KCNN2: variants seen among roughly 807,000 people sequenced by gnomAD.
The protein encoded by KCNN2 is small conductance calcium-activated potassium channel protein 2.
A neutral mutation model predicts 55.5 loss-of-function variants in KCNN2; 24 were observed. The ratio of observed to expected loss-of-function variants is 0.43; its 90% CI spans 0.31 to 0.61. KCNN2 has a LOEUF of 0.61. Ranked by LOEUF, KCNN2 falls within the 20% of genes least tolerant of loss-of-function variation. The pLI is 0.08. For synonymous variants in KCNN2, 431 were observed against 336.1 expected (o/e 1.28, Z -3.09); for missense variants, 754 against 853.6 (o/e 0.88, Z 1.45).
At chr5:114,090,203 A>C (rs536806943) in intron 1 of KCNN2, among the ~76,000 whole-genome samples, 2 of 152,196 alleles carry the variant, frequency 1.3e-5, no homozygotes, top group African/African-American at 4.8e-5. Context: ...GTTCTGTACA[A>C]GTCAGTAAGT....
intron 1 of KCNN2, among the ~76,000 whole-genome samples, chr5:114,206,943 G>A (rs1753789104): frequency 6.6e-6 from 1 of 152,102 alleles, no homozygotes; most frequent in African/African-American, 2.4e-5. Context: ...TCTTTCTCAT[G>A]TTGAGCCTTT....
At chr5:114,163,490 A>C (rs1404668257) in intron 1 of KCNN2, among the ~76,000 whole-genome samples, 1 of 152,182 alleles carries the variant, frequency 6.6e-6, no homozygotes, top group Non-Finnish European at 1.5e-5. Context: ...GAGAATTTTT[A>C]ATGTGAATGG....
At chr5:114,384,514 T>A (rs1311034169) in intron 2 of KCNN2, among the ~76,000 whole-genome samples, 2 of 152,216 alleles carry the variant, frequency 1.3e-5, no homozygotes, top group Non-Finnish European at 2.9e-5. Flanking sequence ...GTAAGTGTGC[T>A]TCACTCTGGG....
At chr5:114,308,686 T>C (rs1756338522) in intron 2 of KCNN2, among the ~76,000 whole-genome samples, 1 of 151,998 alleles carries the variant, frequency 6.6e-6, no homozygotes, top group Admixed American at 6.6e-5. Flanking sequence ...ATAGTGAGAG[T>C]TGGAGCTGAA....
At chr5:114,227,999 ATGATGATGATGATGATG>A (rs1281118628) in intron 2 of KCNN2, among the ~76,000 whole-genome samples, 14 of 5,438 alleles carry the variant, frequency 2.6e-3, no homozygotes, top group Non-Finnish European at 5.8e-3. Flanking sequence ...GATGACGATG[ATGATGATGATGATGATG>A]ATGATGATGA....
At chr5:114,429,031 C>T (rs1273006797) in intron 3 of KCNN2, among the ~76,000 whole-genome samples, 1 of 152,048 alleles carries the variant, frequency 6.6e-6, no homozygotes, top group Non-Finnish European at 1.5e-5. Context: ...ATAGACATTT[C>T]ATGTGTAGGT....
Position 114,074,293 on chromosome 5 carries a change from CGTGTGTGTGTGTGT to C in KCNN2, c.-271+17817_-271+17830del, listed in dbSNP as rs371882287. Among the ~76,000 whole-genome samples the C allele has an allele frequency of 1.7e-4, 25 of 144,510 alleles. 1 individual carries two copies. Among genetic ancestry groups the C allele is most frequent in the South Asian group, 4.5e-4 (2 of 4,464 alleles). 94.8% of individuals were successfully genotyped at this position (144,510 alleles called of 152,430 possible). On this transcript the variant is annotated intron_variant, in intron 1 of 10. Coordinates refer to the KCNN2 transcript ENST00000512097. Reference sequence around the variant, plus strand: ...TTATGAATTTTAAAGGCCATGTTTGCGTGTGTGTGTGTGTGTGTGTGTGTGTGTGTGTGTGTGCG... The same window carrying C: ...TTATGAATTTTAAAGGCCATGTTTGCGTGTGTGTGTGTGTGTGTGTGTGCG...
chr5:114,217,510 G>A (rs1008442920), intron 1 of KCNN2, among the ~76,000 whole-genome samples: 1 of 152,080 alleles, frequency 6.6e-6, no homozygotes, highest in South Asian at 2.1e-4. Flanking sequence ...AGTGAAGATA[G>A]CCTTTCAACA....
At chr5:114,128,751 C>T (rs1300338576) in intron 1 of KCNN2, among the ~76,000 whole-genome samples, 1 of 152,050 alleles carries the variant, frequency 6.6e-6, no homozygotes, top group African/African-American at 2.4e-5. Flanking sequence ...GGGTTAATTT[C>T]TAACTGATAC....
intron 2 of KCNN2, among the ~76,000 whole-genome samples, chr5:114,346,970 G>A (rs181188008): frequency 1.3e-5 from 2 of 151,998 alleles, no homozygotes; most frequent in Non-Finnish European, 2.9e-5. Context: ...AATCATTTGA[G>A]AACAAAATAA....
chr5:114,343,900 G>C (rs947430591), intron 2 of KCNN2, among the ~76,000 whole-genome samples: 23 of 152,154 alleles, frequency 1.5e-4, no homozygotes, highest in African/African-American at 5.5e-4. Context: ...TCCTATTTAT[G>C]TGGTCCTAGG....
chr5:114,392,649 C>G (rs983455243), intron 2 of KCNN2, among the ~76,000 whole-genome samples: 2 of 152,076 alleles, frequency 1.3e-5, no homozygotes, highest in African/African-American at 2.4e-5. Context: ...GAGATCTCAA[C>G]GAGACCATTG....
Position 114,107,538 on chromosome 5 carries a change from C to T in KCNN2, c.-271+51038C>T, listed in dbSNP as rs115754968. ...TAGCTGGGACTACAGCCATGCACAA[C>T]CATGCCTGGCTAATTTTTTTTTTTT... On this transcript the variant is annotated intron_variant, in intron 1 of 10. Transcript: ENST00000512097. Among the ~76,000 whole-genome samples, 1,179 of 151,598 alleles carry T rather than the reference C, an allele frequency of 7.8e-3. 7 individuals carry two copies. Among genetic ancestry groups the T allele is most frequent in the Non-Finnish European group, 0.012 (784 of 67,842 alleles).
intron 1 of KCNN2, among the ~76,000 whole-genome samples, chr5:114,196,694 C>T (rs115593190): frequency 3.3e-5 from 5 of 151,970 alleles, no homozygotes; most frequent in African/African-American, 1.2e-4. Flanking sequence ...AGGTTGTTAG[C>T]AATATTCTGA....
At chr5:114,450,506 A>G (rs1012847988) in intron 3 of KCNN2, among the ~76,000 whole-genome samples, 3 of 152,204 alleles carry the variant, frequency 2.0e-5, no homozygotes, top group African/African-American at 7.2e-5. Flanking sequence ...TGGTTAAAAC[A>G]TTGTTCTGGA....
At chr5:114,101,029 T>C (rs192032985) in intron 1 of KCNN2, among the ~76,000 whole-genome samples, 1 of 152,072 alleles carries the variant, frequency 6.6e-6, no homozygotes, top group African/African-American at 2.4e-5. Flanking sequence ...CATTAAGTGC[T>C]TTAATAACTT....
chr5:114,158,927 T>C (rs1427200469), intron 1 of KCNN2, among the ~76,000 whole-genome samples: 2 of 152,202 alleles, frequency 1.3e-5, no homozygotes, highest in African/African-American at 2.4e-5. Flanking sequence ...GTTTTCTAGA[T>C]ATACAATCAT....
At chr5:114,475,579 GTTAACTGTTAAGGATC>G (rs1351230678) in intron 5 of KCNN2, among the ~76,000 whole-genome samples, 3 of 151,802 alleles carry the variant, frequency 2.0e-5, no homozygotes, top group African/African-American at 7.2e-5. Context: ...GTCATGCTAT[GTTAACTGTTAAGGATC>G]AAGAGCTAAA....
At position 114,451,023 on chromosome 5, in the gene KCNN2, C is replaced by T. The variant is rs189643108; in HGVS notation, c.1638-12026C>T. On this transcript the variant is annotated intron_variant, in intron 3 of 7. Transcript: ENST00000673685. ...AATTGGGGGAAATTATTAGTGATACCGTCTGTGTTCTTATAGGTTTTTAAC... is the reference window on the plus strand; with the variant it reads ...AATTGGGGGAAATTATTAGTGATACTGTCTGTGTTCTTATAGGTTTTTAAC... Among the ~76,000 whole-genome samples the T allele has an allele frequency of 2.7e-4, 41 of 151,952 alleles. No individual in the cohort carries two copies. The East Asian group carries it at 2.7e-3, about 10-fold the overall frequency.
Sources: gnomAD v4.1 joint callset for allele counts (sites outside exome capture counted in the v4.1 genomes callset) on GRCh38, gnomAD v4.1.1 for gene constraint, MANE v1.5 for transcripts, NCBI Gene and HGNC (gene_info 2026-07-23, HGNC 2026-07-21) for gene names.